LARP1: variants seen among roughly 807,000 people sequenced by gnomAD.
LARP1 encodes the protein La ribonucleoprotein 1, translational regulator.
In LARP1, 36 loss-of-function variants were observed where a neutral mutation model predicts 122.7. That is an observed-to-expected ratio of 0.29 (90% confidence interval 0.22 to 0.39). LARP1 has a LOEUF of 0.39. LARP1 is among the 10% of genes least tolerant of loss of function. LARP1 has a pLI of 1.00. For synonymous variants in LARP1, 539 were observed against 528.7 expected, an observed-to-expected ratio of 1.02 and a Z score of -0.27; for missense variants, 1,040 against 1,403.6, an observed-to-expected ratio of 0.74 and a Z score of 4.14.
At chr5:154,708,265 C>T (rs951972613), upstream of LARP1, among the ~76,000 whole-genome samples, 7 of 152,332 alleles carry the variant, frequency 4.6e-5, no homozygotes, top group Admixed American at 4.6e-4. Flanking sequence ...TCCAGTTCGG[C>T]TTTGAATGCA....
At chr5:154,730,675 T>C (rs1756505475) in intron 1 of LARP1, among the ~76,000 whole-genome samples, 1 of 151,966 alleles carries the variant, frequency 6.6e-6, no homozygotes, top group South Asian at 2.1e-4. Flanking sequence ...GGTTTCACCA[T>C]GTTGGCCAGG....
chr5:154,760,268 A>T (rs1165838868), intron 1 of LARP1, among the ~76,000 whole-genome samples: 1 of 152,172 alleles, frequency 6.6e-6, no homozygotes, highest in East Asian at 1.9e-4. Flanking sequence ...GATCCTGCTC[A>T]TGACCAGCAA....
chr5:154,802,274 A>C lies in LARP1; in HGVS notation c.1984A>C (p.Thr662Pro), dbSNP rs1405441944. 6.2e-7 allele frequency: 1 copy of C among 1,614,202 alleles called. No individual in the cohort carries two copies. The highest frequency in any genetic ancestry group is 8.5e-7 in the Non-Finnish European group (1 of 1,180,044). Reference protein sequence around the residue: ...YMRRHPGGDRTGNHTSRAKMS... With the variant: ...YMRRHPGGDRPGNHTSRAKMS... ...GCGCCGGCACCCAGGGGGGGACCGC[A>C]CAGGCAACCACACCTCGCGTGCCAA... Residue 662 changes from threonine to proline, a missense_variant, in exon 11 of 19, where the codon ACA (threonine) becomes CCA (proline). By Grantham distance (38) the Thr-to-Pro change is conservative. This residue lies in a region of LARP1 where 362 missense variants were observed against 533.1 expected (regional missense o/e 0.68). Transcript: ENST00000518297. The surrounding 1 kb of genome is among the most constrained non-coding windows in gnomAD (Gnocchi z 5.1).
intron 1 of LARP1, among the ~76,000 whole-genome samples, chr5:154,746,112 T>C (rs1753184861): frequency 6.6e-6 from 1 of 152,230 alleles, no homozygotes. Context: ...CCCAACTCTT[T>C]TGACATCAAA....
intron 1 of LARP1, among the ~76,000 whole-genome samples, chr5:154,692,485 C>T (rs1012386486): frequency 6.6e-6 from 1 of 152,092 alleles, no homozygotes; most frequent in Non-Finnish European, 1.5e-5. Context: ...CCTCCTACTT[C>T]CTCAAGCTTG....
intron 1 of LARP1, among the ~76,000 whole-genome samples, chr5:154,691,015 T>G (rs1288547643): frequency 6.6e-6 from 1 of 152,018 alleles, no homozygotes; most frequent in East Asian, 1.9e-4. Flanking sequence ...ATCCCAGCAC[T>G]TTGGGAGGCC....
intron 1 of LARP1, among the ~76,000 whole-genome samples, chr5:154,745,929 G>GGGAT (rs915989811): frequency 2.6e-5 from 4 of 151,938 alleles, no homozygotes; most frequent in African/African-American, 9.7e-5. Flanking sequence ...CCGAGTACCT[G>GGGAT]GGATTACAGG....
intron 1 of LARP1, among the ~76,000 whole-genome samples, chr5:154,694,766 A>G (rs980056282): frequency 1.3e-5 from 2 of 152,222 alleles, no homozygotes; most frequent in African/African-American, 4.8e-5. Flanking sequence ...CAGATTTTAT[A>G]TATAGTGAGA....
chr5:154,802,313 C>G lies in LARP1; in HGVS notation c.2023C>G (p.Leu675Val). Residue 675 changes from leucine (L) to valine (V), a missense_variant, in exon 11 of 19, where the codon CTG becomes GTG. By Grantham distance (32) the Leu-to-Val change is conservative. Around this residue, in one of 8 missense-constraint regions of LARP1, gnomAD observed 362 missense variants for 533.1 expected, o/e 0.68. Coordinates refer to ENST00000518297, the MANE Select transcript of LARP1 (RefSeq NM_033551.3). This position sits in a 1 kb window ranked among gnomAD's most constrained non-coding sequence, Gnocchi z 5.1. ...CTCGCGTGCCAAGATGAGCGCCGAA[C>G]TGGCCAAGGTCATTAATGATGGCCT... ...HTSRAKMSAE[L>V]AKVINDGLFY... 5 of 1,614,224 alleles carry G rather than the reference C, an allele frequency of 3.1e-6. No individual in the cohort carries two copies. Among genetic ancestry groups the G allele is most frequent in the Non-Finnish European group, 2.5e-6 (3 of 1,180,044 alleles).
chr5:154,731,107 G>A (rs76163871), intron 1 of LARP1, among the ~76,000 whole-genome samples: 11,702 of 152,058 alleles, frequency 0.077, 513 homozygotes, highest in Admixed American at 0.14. Flanking sequence ...TTACAGGCGT[G>A]AGCCACTGTG....
chr5:154,810,589 G>A (rs1346381232), intron 16 of LARP1, among the ~76,000 whole-genome samples: 1 of 152,020 alleles, frequency 6.6e-6, no homozygotes, highest in Non-Finnish European at 1.5e-5. Context: ...CCAGGTTCAA[G>A]CGATTCTTCT....
At position 154,773,221 on chromosome 5, in the gene LARP1, C is replaced by T. The variant is rs933474135; in HGVS notation, c.436+17028C>T. On this transcript the variant is annotated intron_variant, in intron 1 of 18. Transcript: ENST00000518297. ...ACTGTACTCACGTATTTTGGGGTCTCAGTTGACCATGGGTTACAAACTATG... is the reference window on the plus strand; with the variant it reads ...ACTGTACTCACGTATTTTGGGGTCTTAGTTGACCATGGGTTACAAACTATG... Among the ~76,000 whole-genome samples, 16 of 152,082 alleles carry T rather than the reference C, an allele frequency of 1.1e-4. 1 individual carries two copies. The highest frequency in any genetic ancestry group is 4.4e-5 in the Non-Finnish European group (3 of 68,016).
chr5:154,776,495 A>G (rs1310237373), intron 1 of LARP1, among the ~76,000 whole-genome samples: 7 of 152,150 alleles, frequency 4.6e-5, no homozygotes, highest in Non-Finnish European at 7.3e-5. Flanking sequence ...TTGTAAACCA[A>G]TTAAGTCCTG....
At chr5:154,721,436 A>C (rs1755862134) in intron 1 of LARP1, among the ~76,000 whole-genome samples, 1 of 152,058 alleles carries the variant, frequency 6.6e-6, no homozygotes, top group African/African-American at 2.4e-5. Context: ...CCACAGCTTC[A>C]TATGACATAA....
chr5:154,805,789 C>A, intron 14 of LARP1, 92 bp from the exon 15 acceptor site: 1 of 1,378,574 alleles, frequency 7.3e-7, no homozygotes, highest in Non-Finnish European at 9.9e-7. Context: ...GAGGATGGAT[C>A]TTGGCTGACA....
At chr5:154,775,261 C>T (rs1755774667) in intron 1 of LARP1, among the ~76,000 whole-genome samples, 1 of 152,146 alleles carries the variant, frequency 6.6e-6, no homozygotes, top group Admixed American at 6.5e-5. Context: ...GATTGTGCCA[C>T]TGCACTCCAG....
rs1294590967 is a variant in LARP1, at chr5:154,802,266, GGGA to G, written c.1977_1979del (p.Asp660del). On this transcript the variant is annotated inframe_deletion, in exon 11 of 19. Coordinates refer to ENST00000518297, the MANE Select transcript of LARP1 (RefSeq NM_033551.3). The surrounding 1 kb of genome is among the most constrained non-coding windows in gnomAD (Gnocchi z 5.1). ...CATTACATGCGCCGGCACCCAGGGGGGGACCGCACAGGCAACCACACCTCGCGT... is the reference window on the plus strand; with the variant it reads ...CATTACATGCGCCGGCACCCAGGGGGCCGCACAGGCAACCACACCTCGCGT... 1 of 1,614,076 alleles carries G rather than the reference GGGA, an allele frequency of 6.2e-7. No homozygotes were observed. The highest frequency in any genetic ancestry group is 8.5e-7 in the Non-Finnish European group (1 of 1,180,048).
chr5:154,704,647 C>CAA (rs75268894), intron 1 of LARP1, among the ~76,000 whole-genome samples: 26 of 52,586 alleles, frequency 4.9e-4, no homozygotes, highest in Non-Finnish European at 7.5e-4. Context: ...AACCCTGTCT[C>CAA]AAAAAAAAAA....
At chr5:154,738,591 C>CA (rs1043450252) in intron 1 of LARP1, among the ~76,000 whole-genome samples, 121 of 142,914 alleles carry the variant, frequency 8.5e-4, no homozygotes, top group African/African-American at 1.5e-3. Context: ...GACTCCGTCT[C>CA]AAAAAAAAAA....
Sources: gnomAD v4.1 joint callset for allele counts (sites outside exome capture counted in the v4.1 genomes callset) on GRCh38, gnomAD v4.1.1 for gene constraint, gnomAD v4.1.1 regional missense constraint, Gnocchi (gnomAD v3.1) non-coding constraint, MANE v1.5 for transcripts, NCBI Gene and HGNC (gene_info 2026-07-23, HGNC 2026-07-21) for gene names.